The following RASSF8 variants were observed in gnomAD, a reference collection of about 807,000 sequenced individuals.
RASSF8 encodes Ras association domain family member 8, also known as ras association domain-containing protein 8.
A neutral mutation model predicts 48.5 loss-of-function variants in RASSF8; 22 were observed. The ratio of observed to expected loss-of-function variants is 0.45; its 90% CI spans 0.32 to 0.65. RASSF8 has a LOEUF of 0.65. Ranked by LOEUF, RASSF8 falls within the 30% of genes least tolerant of loss-of-function variation. The probability of loss-of-function intolerance (pLI) is 0.03; values close to 1 mark genes in which losing one functional copy is unlikely to be tolerated. For missense variants in RASSF8, 418 were observed against 489.2 expected (o/e 0.85, Z 1.37); for synonymous variants, 127 against 171.5 (o/e 0.74, Z 2.03).
intron 2 of RASSF8, among the ~76,000 whole-genome samples, chr12:26,001,215 T>TC (rs1491261323): frequency 6.7e-6 from 1 of 150,004 alleles, no homozygotes; most frequent in African/African-American, 2.5e-5. Context: ...TTTTTTTTTT[T>TC]GTAGAAACAA....
At chr12:26,005,007 A>G (rs1942353918) in intron 2 of RASSF8, among the ~76,000 whole-genome samples, 1 of 152,108 alleles carries the variant, frequency 6.6e-6, no homozygotes, top group African/African-American at 2.4e-5. Context: ...TTAAAAAAAA[A>G]TGGAAGTTAT....
chr12:26,035,042 T>C (rs1943103680), intron 2 of RASSF8, among the ~76,000 whole-genome samples: 1 of 152,190 alleles, frequency 6.6e-6, no homozygotes, highest in African/African-American at 2.4e-5. Context: ...CTATAAACTT[T>C]AATAGACGTT....
chr12:25,972,729 AT>A (rs1203375252), intron 1 of RASSF8, among the ~76,000 whole-genome samples: 2 of 152,202 alleles, frequency 1.3e-5, no homozygotes, highest in African/African-American at 4.8e-5. Flanking sequence ...TATTAACATA[AT>A]TTTTTGACTT....
intron 1 of RASSF8, among the ~76,000 whole-genome samples, chr12:25,974,353 T>C (rs1024312126): frequency 5.3e-5 from 8 of 151,462 alleles, no homozygotes; most frequent in African/African-American, 1.7e-4. Flanking sequence ...AAAGGAAACC[T>C]CTGATTTTAA....
chr12:26,069,828 A>G lies in RASSF8; in HGVS notation c.*1010A>G, dbSNP rs1591823022. ...TGCTTGCACATAATTTGCTCTGCATATTATGGACCATTGTGGTTTCTTCCA... is the reference window on the plus strand; with the variant it reads ...TGCTTGCACATAATTTGCTCTGCATGTTATGGACCATTGTGGTTTCTTCCA... On this transcript the variant is annotated 3_prime_UTR_variant, in exon 6 of 6. Transcript: ENST00000689635. 2.0e-6 allele frequency: 2 copies of G among 985,098 alleles called. No individual in the cohort carries two copies. The highest frequency in any genetic ancestry group is 2.4e-6 in the Non-Finnish European group (2 of 829,722). The allele number at this position is 985,098 out of a possible 1,614,324, so 61.0% of individuals were successfully genotyped here.
Position 25,996,578 on chromosome 12 carries a change from G to C in RASSF8, c.-109+1448G>C, listed in dbSNP as rs557281279. On this transcript the variant is annotated intron_variant, in intron 2 of 5. Transcript: ENST00000689635. ...GGGATTGTATGAGTTTGATTGATTG[G>C]GGATTGCTGCTGAAGAGTTTTCATT... Among the ~76,000 whole-genome samples, 7 of 152,188 alleles carry C rather than the reference G, an allele frequency of 4.6e-5. No homozygotes were observed. In the South Asian group the frequency reaches 1.5e-3, roughly 32 times the overall value.
chr12:26,003,246 T>C (rs1210868294), intron 2 of RASSF8, among the ~76,000 whole-genome samples: 2 of 152,262 alleles, frequency 1.3e-5, no homozygotes, highest in Non-Finnish European at 2.9e-5. Flanking sequence ...GTTTAGGTGA[T>C]GTATCACATT....
chr12:25,967,824 C>G (rs1247357405), intron 1 of RASSF8, among the ~76,000 whole-genome samples: 2 of 152,146 alleles, frequency 1.3e-5, no homozygotes, highest in African/African-American at 4.8e-5. Flanking sequence ...GGCACTGACC[C>G]CTCTGCAGTC....
rs970754839 is a variant in RASSF8 at position 25,958,997 on chromosome 12, GGCGCGCGGC to G, written c.-350_-342del. 1 of 146,862 alleles carries G rather than the reference GGCGCGCGGC, an allele frequency of 6.8e-6. No homozygotes were observed. The highest frequency in any genetic ancestry group is 1.5e-5 in the Non-Finnish European group (1 of 66,218). 9.1% of individuals were successfully genotyped at this position (146,862 alleles called of 1,614,324 possible). A position where few individuals can be genotyped will look rare whatever the true frequency, so the allele number is the denominator to read the frequency against. ...GGGCCGGGGCCTCCAGCCGGTGCGG[GGCGCGCGGC>G]GCGGGGAGCGCCGGGGAGTGCCGGG... On this transcript the variant is annotated 5_prime_UTR_variant, in exon 1 of 6. Transcript: ENST00000689635.
intron 1 of RASSF8, among the ~76,000 whole-genome samples, chr12:25,972,866 A>G (rs1350284067): frequency 1.3e-5 from 2 of 152,142 alleles, no homozygotes; most frequent in Non-Finnish European, 2.9e-5. Context: ...CAGCATCTCC[A>G]TAGGCCCTGT....
At chr12:25,976,132 A>C (rs1010442643) in intron 1 of RASSF8, among the ~76,000 whole-genome samples, 1 of 152,174 alleles carries the variant, frequency 6.6e-6, no homozygotes, top group African/African-American at 2.4e-5. Flanking sequence ...CAGGGAACCT[A>C]AGGCTGTTTC....
At chr12:26,068,557 C>T (rs1288783499) in intron 5 of RASSF8, 140 bp from the exon 6 acceptor site, 2 of 662,584 alleles carry the variant, frequency 3.0e-6, no homozygotes, top group African/African-American at 3.7e-5. Context: ...CCTTCTCCCC[C>T]AGCCCAGGGC....
intron 2 of RASSF8, among the ~76,000 whole-genome samples, chr12:26,026,464 C>T (rs117731261): frequency 0.065 from 9,840 of 152,208 alleles, 363 homozygotes; most frequent in Middle Eastern, 0.13. Flanking sequence ...GAGATGGAGT[C>T]TCGCTTTGTT....
At chr12:25,968,924 C>A (rs1480002288) in intron 1 of RASSF8, among the ~76,000 whole-genome samples, 1 of 152,220 alleles carries the variant, frequency 6.6e-6, no homozygotes, top group East Asian at 1.9e-4. Flanking sequence ...AATGTAAGCA[C>A]ATTTGAGTAG....
rs116256290 is a variant in RASSF8 at position 26,013,360 on chromosome 12, G to A, written c.-109+18230G>A. On this transcript the variant is annotated intron_variant, in intron 2 of 5. Coordinates refer to ENST00000689635, the MANE Select transcript of RASSF8 (RefSeq NM_001394098.1). ...AGTGAGTATATTTTAATTGCTTATA[G>A]CAAACCCATAGAGATATCCTTATAG... Among the ~76,000 whole-genome samples, 1,153 of 152,250 alleles carry A rather than the reference G, an allele frequency of 7.6e-3. 17 individuals are homozygous for A. The highest frequency in any genetic ancestry group is 0.027 in the African/African-American group (1,104 of 41,536).
chr12:26,043,795 C>G (rs75514312), intron 2 of RASSF8, among the ~76,000 whole-genome samples: 5,881 of 152,230 alleles, frequency 0.039, 145 homozygotes, highest in African/African-American at 0.066. Context: ...ACTCAGCAAA[C>G]ATAATGTAAC....
chr12:25,960,666 C>T (rs968160985), intron 1 of RASSF8, among the ~76,000 whole-genome samples: 2 of 152,144 alleles, frequency 1.3e-5, no homozygotes, highest in African/African-American at 4.8e-5. Context: ...CTCCCCCTTC[C>T]TCATTTTTTT....
At chr12:26,028,314 AG>A (rs1274076576) in intron 2 of RASSF8, among the ~76,000 whole-genome samples, 1 of 152,208 alleles carries the variant, frequency 6.6e-6, no homozygotes, top group Non-Finnish European at 1.5e-5. Context: ...AAAAGTTGTT[AG>A]GTATCAAAAG....
intron 4 of RASSF8, among the ~76,000 whole-genome samples, chr12:26,065,656 A>G (rs994690232): frequency 1.3e-5 from 2 of 152,184 alleles, no homozygotes; most frequent in African/African-American, 4.8e-5. Context: ...GAGATAGTGA[A>G]TCTCACCTTC....
Sources: gnomAD v4.1 joint callset for allele counts (sites outside exome capture counted in the v4.1 genomes callset) on GRCh38, gnomAD v4.1.1 for gene constraint, MANE v1.5 for transcripts, NCBI Gene and HGNC (gene_info 2026-07-23, HGNC 2026-07-21) for gene names.